Variants in FCRL3 observed in about 807,000 individuals in gnomAD.
FCRL3 encodes Fc receptor like 3.
Under a neutral mutation model 75.0 loss-of-function variants are expected in FCRL3, and 89 were observed. The ratio of observed to expected loss-of-function variants is 1.19; its 90% confidence interval spans 1.00 to 1.42. The LOEUF is 1.42. FCRL3 is among the 40% of genes most tolerant of loss of function. FCRL3 has a pLI of 0.00. For synonymous variants in FCRL3, 376 were observed against 348.5 expected, an observed-to-expected ratio of 1.08 and a Z score of -0.88; for missense variants, 946 against 880.0, an observed-to-expected ratio of 1.07 and a Z score of -0.95.
intron 8 of FCRL3, among the ~76,000 whole-genome samples, chr1:157,694,731 C>A (rs531995141): frequency 1.9e-4 from 29 of 152,070 alleles, no homozygotes; most frequent in South Asian, 8.3e-4. Flanking sequence ...TTAGGGGATA[C>A]TGAGAACATC....
At chr1:157,694,684 C>T (rs1364486257) in intron 8 of FCRL3, among the ~76,000 whole-genome samples, 4 of 152,068 alleles carry the variant, frequency 2.6e-5, no homozygotes, top group South Asian at 2.1e-4. Flanking sequence ...ATGGGAAATA[C>T]GAGATGCCCT....
intron 4 of FCRL3, 120 bp from the exon 5 acceptor site, chr1:157,698,039 ATTG>A: frequency 5.1e-6 from 6 of 1,172,128 alleles, no homozygotes; most frequent in Non-Finnish European, 7.1e-6. Context: ...CCCCACCCAC[ATTG>A]CCATGTGGCC....
intron 2 of FCRL3, 30 bp downstream of exon 2, chr1:157,700,429 C>T (rs185703469): frequency 4.3e-6 from 7 of 1,613,836 alleles, no homozygotes; most frequent in Middle Eastern, 1.7e-4. Flanking sequence ...GGAACTGAGG[C>T]CGTGGCCCCA....
chr1:157,700,514 G>A lies in FCRL3; in HGVS notation c.-25C>T. ...TGGGCACCGGCCGGGCAGAGGGTTG[G>A]GAAAGTCTGTCTCACCAAAAGCCCG... On this transcript the variant is annotated 5_prime_UTR_variant, in exon 2 of 15. Coordinates refer to ENST00000368184, the MANE Select transcript of FCRL3 (RefSeq NM_052939.4). 1 of 1,613,962 alleles carries A rather than the reference G, an allele frequency of 6.2e-7. No homozygotes were observed. Among genetic ancestry groups the A allele is most frequent in the Non-Finnish European group, 8.5e-7 (1 of 1,179,948 alleles).
At chr1:157,688,670 G>C (rs1292428364) in intron 10 of FCRL3, among the ~76,000 whole-genome samples, 1 of 150,240 alleles carries the variant, frequency 6.7e-6, no homozygotes, top group Non-Finnish European at 1.5e-5. Flanking sequence ...TGAAAATATG[G>C]CTATATAAAA....
At position 157,680,219 on chromosome 1, in the gene FCRL3, G is replaced by A. The variant is rs542353962; in HGVS notation, c.2026+483C>T. On this transcript the variant is annotated intron_variant, in intron 13 of 14. Coordinates refer to ENST00000368184, the MANE Select transcript of FCRL3 (RefSeq NM_052939.4). ...GGCAAAGCTTGCAGGAGGAGCCAGC[G>A]TGCAGAAGGCAAAGATCATGCTTTG... Among the ~76,000 whole-genome samples, 5 of 152,306 alleles carry A rather than the reference G, an allele frequency of 3.3e-5. No individual in the cohort carries two copies. In the East Asian group the frequency reaches 7.7e-4, roughly 23 times the overall value.
At chr1:157,679,239 C>T (rs759429205) in intron 13 of FCRL3, 27 of 527,622 alleles carry the variant, frequency 5.1e-5, no homozygotes, top group Non-Finnish European at 8.5e-5. Context: ...CTAATAAAGA[C>T]TTTCCTCTGC....
chr1:157,691,933 A>T (rs981696716), intron 8 of FCRL3: 5 of 152,232 alleles, frequency 3.3e-5, no homozygotes, highest in African/African-American at 1.2e-4. Context: ...GTAAGAAGAA[A>T]ATATGAGAAC....
Position 157,698,021 on chromosome 1 carries a change from C to A in FCRL3, c.299-102G>T, listed in dbSNP as rs150804530. The A allele has an allele frequency of 4.7e-4, 632 of 1,345,092 alleles. 4 individuals are homozygous for A. The African/African-American group carries it at 8.1e-3, about 17-fold the overall frequency. The allele number at this position is 1,345,092 out of a possible 1,614,324, so 83.3% of individuals were successfully genotyped here. Reference sequence around the variant, plus strand: ...AGAGCCACAGTTCTATACACACCTGCAAATGGCCCCCACCCACATTGCCAT... The same window carrying A: ...AGAGCCACAGTTCTATACACACCTGAAAATGGCCCCCACCCACATTGCCAT... On this transcript the variant is annotated intron_variant, in intron 4 of 14. Transcript: ENST00000368184.
Position 157,677,113 on chromosome 1 carries a change from A to G in FCRL3, c.*1597T>C. 9.3e-7 allele frequency: 1 copy of G among 1,079,950 alleles called. No homozygotes were observed. Among genetic ancestry groups the G allele is most frequent in the Non-Finnish European group, 1.1e-6 (1 of 883,454 alleles). The allele number at this position is 1,079,950 out of a possible 1,614,324, so 66.9% of individuals were successfully genotyped here. ...GCACTCAAAGGCCAGGATAAGGGTA[A>G]CAGAGGCCAGTGGGAGCAGTGTGGA... On this transcript the variant is annotated 3_prime_UTR_variant, in exon 15 of 15. Transcript: ENST00000368184.
intron 3 of FCRL3, 65 bp from the exon 4 acceptor site, chr1:157,698,694 G>T: frequency 6.4e-7 from 1 of 1,552,564 alleles, no homozygotes; most frequent in Non-Finnish European, 8.8e-7. Context: ...AGCACATGGG[G>T]AGCCCAACCT....
At position 157,696,292 on chromosome 1, in the gene FCRL3, G is replaced by C; in HGVS notation, c.880C>G (p.Pro294Ala). Reference protein sequence around the residue: ...PVSNVNLEIRPTGGQLIEGEN... With the variant: ...PVSNVNLEIRATGGQLIEGEN... Reference sequence around the variant, plus strand: ...CCTTCAATCAGCTGCCCTCCGGTGGGCCGGATCTCTAGATTCACATTAGAC... The same window carrying C: ...CCTTCAATCAGCTGCCCTCCGGTGGCCCGGATCTCTAGATTCACATTAGAC... The change falls in exon 7 of 15, where the codon CCC (proline) becomes GCC (alanine). Residue 294 changes from proline to alanine, a missense_variant. Coordinates refer to ENST00000368184, the MANE Select transcript of FCRL3 (RefSeq NM_052939.4). 1 of 1,613,938 alleles carries C rather than the reference G, an allele frequency of 6.2e-7. No individual in the cohort carries two copies. The highest frequency in any genetic ancestry group is 8.5e-7 in the Non-Finnish European group (1 of 1,179,998).
At chr1:157,680,643 C>T (rs571977622) in intron 13 of FCRL3, 59 bp downstream of exon 13, 60 of 1,439,848 alleles carry the variant, frequency 4.2e-5, no homozygotes, top group Admixed American at 2.7e-4. Context: ...TCAAAGACCC[C>T]TTGCCCGTTT....
chr1:157,683,086 A>T, intron 11 of FCRL3, 131 bp downstream of exon 11: 1 of 975,394 alleles, frequency 1.0e-6, no homozygotes, highest in Non-Finnish European at 1.5e-6. Flanking sequence ...ACTTATATCT[A>T]CTTTTTTATT....
intron 8 of FCRL3, chr1:157,691,860 A>C (rs1200889716): frequency 2.0e-5 from 3 of 152,222 alleles, no homozygotes; most frequent in Non-Finnish European, 2.9e-5. Flanking sequence ...AGACTGAAAA[A>C]GACCATGGTT....
intron 11 of FCRL3, among the ~76,000 whole-genome samples, chr1:157,683,012 A>T (rs1654944869): frequency 6.6e-6 from 1 of 152,244 alleles, no homozygotes; most frequent in Non-Finnish European, 1.5e-5. Context: ...ATAGCCAATA[A>T]CATGTATTGT....
intron 3 of FCRL3, 122 bp from the exon 4 acceptor site, chr1:157,698,751 G>A: frequency 1.0e-6 from 1 of 961,012 alleles, no homozygotes; most frequent in Non-Finnish European, 1.6e-6. Context: ...GACCAGGGTG[G>A]AAAATTGAGC....
At chr1:157,679,254 C>G (rs1351099689) in intron 13 of FCRL3, 1 of 499,530 alleles carries the variant, frequency 2.0e-6, no homozygotes, top group South Asian at 2.3e-5. Context: ...CTCTGCCCAC[C>G]AAATGCCCAG....
At chr1:157,695,964 G>A in intron 7 of FCRL3, 76 bp downstream of exon 7, 2 of 1,107,478 alleles carry the variant, frequency 1.8e-6, no homozygotes, top group Middle Eastern at 7.2e-4. Context: ...GCCTCTTTTA[G>A]GAGACCTTAG....
Sources: allele counts gnomAD v4.1 joint callset (sites outside exome capture counted in the v4.1 genomes callset), GRCh38; gene constraint gnomAD v4.1.1; transcripts MANE v1.5; gene names NCBI Gene and HGNC (gene_info 2026-07-23, HGNC 2026-07-21).